Variants in METTL15 observed in about 807,000 individuals in gnomAD.
The protein encoded by METTL15 is 12S rRNA N(4)-cytidine methyltransferase METTL15.
A neutral mutation model predicts 38.3 loss-of-function variants in METTL15; 34 were observed. The ratio of observed to expected loss-of-function variants is 0.89; its 90% CI spans 0.68 to 1.18. The LOEUF (loss-of-function observed/expected upper bound fraction) is 1.18, where lower values mean the gene tolerates loss of function less well. METTL15 is among the 50% of genes most tolerant of loss of function. The pLI, the probability that METTL15 is intolerant of heterozygous loss-of-function variation, is 0.00. For synonymous variants in METTL15, 162 were observed against 170.9 expected, an observed-to-expected ratio of 0.95 and a Z score of 0.41; for missense variants, 438 against 498.4, an observed-to-expected ratio of 0.88 and a Z score of 1.15.
intron 6 of METTL15, among the ~76,000 whole-genome samples, chr11:28,473,096 A>G (rs1472914339): frequency 1.3e-5 from 2 of 152,172 alleles, no homozygotes; most frequent in East Asian, 3.9e-4. Context: ...GTTCTAGTGG[A>G]GGAGAGTGGT....
chr11:28,158,607 G>T (rs1741002968), intron 3 of METTL15, among the ~76,000 whole-genome samples: 3 of 152,160 alleles, frequency 2.0e-5, no homozygotes, highest in African/African-American at 7.2e-5. Flanking sequence ...TTCCAGGTAT[G>T]GGTTTGACTA....
chr11:28,330,311 C>T (rs1051012655), intron 6 of METTL15, 85 bp from the exon 7 acceptor site: 23 of 1,228,226 alleles, frequency 1.9e-5, no homozygotes, highest in African/African-American at 4.6e-5. Context: ...TAAATATGCA[C>T]ACAACTACAC....
intron 5 of METTL15, among the ~76,000 whole-genome samples, chr11:28,373,081 A>G (rs1850263574): frequency 6.6e-6 from 1 of 152,140 alleles, no homozygotes; most frequent in Non-Finnish European, 1.5e-5. Flanking sequence ...CAGTAAACAT[A>G]CGTGTGCATG....
intron 4 of METTL15, among the ~76,000 whole-genome samples, chr11:28,227,519 A>G (rs771217144): frequency 7.2e-5 from 11 of 151,828 alleles, no homozygotes; most frequent in Non-Finnish European, 4.4e-5. Flanking sequence ...TGAAGTGTTG[A>G]AAAGAGAATA....
At chr11:28,456,382 G>A (rs1851169110) in intron 6 of METTL15, among the ~76,000 whole-genome samples, 1 of 151,976 alleles carries the variant, frequency 6.6e-6, no homozygotes, top group Non-Finnish European at 1.5e-5. Flanking sequence ...CCGATATTTT[G>A]CTCAGGATGC....
At chr11:28,251,372 C>T (rs1182736318) in intron 4 of METTL15, among the ~76,000 whole-genome samples, 1 of 151,960 alleles carries the variant, frequency 6.6e-6, no homozygotes, top group Admixed American at 6.6e-5. Context: ...AAGCTGCTAA[C>T]TTTAGGTTGA....
At chr11:28,408,142 A>T (rs937411379) in intron 5 of METTL15, among the ~76,000 whole-genome samples, 6 of 151,818 alleles carry the variant, frequency 4.0e-5, no homozygotes, top group African/African-American at 1.5e-4. Context: ...AACAATACAC[A>T]CTGGGGCCTG....
At chr11:28,354,509 A>G (rs1850073392) in intron 4 of METTL15, among the ~76,000 whole-genome samples, 1 of 152,190 alleles carries the variant, frequency 6.6e-6, no homozygotes, top group African/African-American at 2.4e-5. Context: ...GAAAGATTCT[A>G]TTCTGTTATT....
chr11:28,498,281 C>G (rs1355832277), intron 6 of METTL15, among the ~76,000 whole-genome samples: 2 of 152,008 alleles, frequency 1.3e-5, no homozygotes, highest in Non-Finnish European at 2.9e-5. Context: ...ACCTCAGCCT[C>G]CGGAGTAGCT....
intron 3 of METTL15, among the ~76,000 whole-genome samples, chr11:28,182,759 G>T (rs1851340145): frequency 1.3e-5 from 2 of 152,056 alleles, no homozygotes; most frequent in Non-Finnish European, 2.9e-5. Flanking sequence ...AGTTCCATAT[G>T]ACGTTTAAAC....
intron 3 of METTL15, among the ~76,000 whole-genome samples, chr11:28,347,012 T>G (rs1377317503): frequency 1.3e-5 from 2 of 152,214 alleles, no homozygotes; most frequent in Non-Finnish European, 2.9e-5. Flanking sequence ...CTATGACTCT[T>G]GTAACTAAGA....
At chr11:28,357,181 G>A (rs1411393018) in intron 4 of METTL15, among the ~76,000 whole-genome samples, 1 of 152,148 alleles carries the variant, frequency 6.6e-6, no homozygotes, top group Admixed American at 6.5e-5. Context: ...GTATACTTTT[G>A]GTTTACATAC....
chr11:28,277,801 A>C (rs1449491951), intron 4 of METTL15, among the ~76,000 whole-genome samples: 1 of 152,204 alleles, frequency 6.6e-6, no homozygotes. Context: ...TGGGCACATA[A>C]AGACAAATAT....
chr11:28,173,093 A>C (rs1314215799), intron 3 of METTL15, among the ~76,000 whole-genome samples: 1 of 152,186 alleles, frequency 6.6e-6, no homozygotes, highest in Non-Finnish European at 1.5e-5. Flanking sequence ...TTTTTAAAAA[A>C]AGAGACAAAA....
At chr11:28,277,735 C>G (rs1000103787) in intron 4 of METTL15, among the ~76,000 whole-genome samples, 1 of 151,864 alleles carries the variant, frequency 6.6e-6, no homozygotes, top group Non-Finnish European at 1.5e-5. Flanking sequence ...AATGGAATCA[C>G]GTCATTTGAA....
At position 28,430,170 on chromosome 11, in the gene METTL15, C is replaced by T. The variant is rs563454290; in HGVS notation, c.*424+5806C>T. Among the ~76,000 whole-genome samples, 1,084 of 151,662 alleles carry T rather than the reference C, an allele frequency of 7.1e-3. 17 individuals are homozygous for T. The highest frequency in any genetic ancestry group is 6.5e-3 in the Non-Finnish European group (438 of 67,822). ...GAGCCCCTCCGCCCGGCAGCTGCCC[C>T]GTCTGGGAAGTGAGGAGCGTCTCCA... is the stretch of plus-strand genomic sequence containing the variant. On this transcript the variant is annotated intron_variant and NMD_transcript_variant, in intron 6 of 7. Transcript: ENST00000532947.
intron 4 of METTL15, among the ~76,000 whole-genome samples, chr11:28,222,544 T>C (rs1272685996): frequency 6.6e-6 from 1 of 152,192 alleles, no homozygotes; most frequent in Non-Finnish European, 1.5e-5. Flanking sequence ...ACGCTTGGTG[T>C]GCTTCATCCA....
At chr11:28,355,694 A>T (rs1160982955) in intron 4 of METTL15, among the ~76,000 whole-genome samples, 2 of 152,184 alleles carry the variant, frequency 1.3e-5, no homozygotes, top group Non-Finnish European at 2.9e-5. Context: ...CATAAGTTAT[A>T]TGCAGTATTA....
chr11:28,463,910 C>G (rs1043319557), intron 6 of METTL15, among the ~76,000 whole-genome samples: 1 of 151,912 alleles, frequency 6.6e-6, no homozygotes, highest in Non-Finnish European at 1.5e-5. Flanking sequence ...TAAACACAAC[C>G]CTGTCAGAGT....
Sources: gnomAD v4.1 joint callset for allele counts (sites outside exome capture counted in the v4.1 genomes callset) on GRCh38, gnomAD v4.1.1 for gene constraint, MANE v1.5 for transcripts, NCBI Gene and HGNC (gene_info 2026-07-23, HGNC 2026-07-21) for gene names.